MPP7: variants seen among roughly 807,000 people sequenced by gnomAD.
MPP7 encodes the protein MAGUK p55 scaffold protein 7.
MPP7 carries 60 observed loss-of-function variants against 76.5 expected under a neutral mutation model. That is an observed-to-expected ratio of 0.78 (90% CI 0.64 to 0.97). The LOEUF (loss-of-function observed/expected upper bound fraction) is 0.97, where lower values mean the gene tolerates loss of function less well. Ranked by LOEUF, MPP7 falls within the 50% of genes least tolerant of loss-of-function variation. MPP7 has a pLI of 0.00. For missense variants in MPP7, 641 were observed against 694.0 expected (o/e 0.92, Z 0.86); for synonymous variants, 237 against 244.5 (o/e 0.97, Z 0.29).
chr10:28,269,317 C>T (rs1431877531), intron 1 of MPP7, among the ~76,000 whole-genome samples: 2 of 152,134 alleles, frequency 1.3e-5, no homozygotes, highest in African/African-American at 4.8e-5. Flanking sequence ...GAATGCTCAA[C>T]AAACTGAGGT....
At chr10:28,310,400 C>T (rs1056053421) in intron 2 of MPP7, among the ~76,000 whole-genome samples, 1 of 152,140 alleles carries the variant, frequency 6.6e-6, no homozygotes, top group Non-Finnish European at 1.5e-5. Flanking sequence ...TCCTGCTCCA[C>T]TCTCCCATGT....
At chr10:28,204,688 T>G (rs1388866584) in intron 2 of MPP7, among the ~76,000 whole-genome samples, 1 of 152,158 alleles carries the variant, frequency 6.6e-6, no homozygotes, top group African/African-American at 2.4e-5. Flanking sequence ...TAAAAAAAAT[T>G]ATGGCAAACA....
chr10:28,133,856 G>A (rs1835271557), intron 5 of MPP7, among the ~76,000 whole-genome samples: 1 of 152,018 alleles, frequency 6.6e-6, no homozygotes, highest in Non-Finnish European at 1.5e-5. Flanking sequence ...TTAAGTTAGT[G>A]AAATTCACCC....
chr10:28,148,168 A>G (rs1835769990), intron 4 of MPP7, among the ~76,000 whole-genome samples: 1 of 152,216 alleles, frequency 6.6e-6, no homozygotes, highest in Non-Finnish European at 1.5e-5. Context: ...ATGGGTTGAC[A>G]GCTAGCTACC....
At position 28,120,178 on chromosome 10, in the gene MPP7, T is replaced by A. The variant is rs752205095; in HGVS notation, c.887+16A>T. ...GTCAGCTGGAGAAAAGCCATTATTA[T>A]GTACCAGCAGCTCACCTTTCCTGGA... On this transcript the variant is annotated intron_variant, in intron 10 of 16. Transcript: ENST00000683449. The A allele has an allele frequency of 9.9e-6, 16 of 1,609,730 alleles. No homozygotes were observed. Among genetic ancestry groups the A allele is most frequent in the African/African-American group, 1.3e-5 (1 of 74,726 alleles).
chr10:28,214,592 C>T (rs1003558947), intron 2 of MPP7, among the ~76,000 whole-genome samples: 4 of 152,076 alleles, frequency 2.6e-5, no homozygotes, highest in African/African-American at 9.7e-5. Context: ...GATGCCGTGA[C>T]GATGAAACCG....
intron 4 of MPP7, 23 bp from the exon 5 acceptor site, chr10:28,147,586 T>A (rs1835751650): frequency 6.2e-7 from 1 of 1,606,006 alleles, no homozygotes; most frequent in Non-Finnish European, 8.5e-7. Context: ...TTACATTGAC[T>A]TAAAGAACAT....
intron 1 of MPP7, among the ~76,000 whole-genome samples, chr10:28,250,965 T>C (rs1453892348): frequency 6.6e-6 from 1 of 152,198 alleles, no homozygotes; most frequent in Admixed American, 6.5e-5. Flanking sequence ...TCAAATTCAG[T>C]AGAGGGTGCC....
intron 1 of MPP7, among the ~76,000 whole-genome samples, chr10:28,265,475 C>T (rs1241903746): frequency 2.6e-5 from 4 of 152,032 alleles, no homozygotes; most frequent in Non-Finnish European, 5.9e-5. Context: ...GGGAGGATTG[C>T]TTGAGTCCAG....
intron 3 of MPP7, among the ~76,000 whole-genome samples, chr10:28,201,355 G>T (rs970570263): frequency 2.0e-5 from 3 of 152,136 alleles, no homozygotes; most frequent in Non-Finnish European, 2.9e-5. Flanking sequence ...AAAGTTAGCT[G>T]AATTTAAAAA....
Position 28,238,548 on chromosome 10 carries a change from C to A in MPP7, c.37+20G>T. On this transcript the variant is annotated intron_variant, in intron 2 of 16. Coordinates refer to ENST00000683449, the MANE Select transcript of MPP7 (RefSeq NM_001318170.2). ...TTAAGCAAAGATGGAATGAGAACTG[C>A]CCCTCTTGGGGTCACATACCAGTGT... The A allele has an allele frequency of 6.2e-7, 1 of 1,613,148 alleles. No homozygotes were observed. Among genetic ancestry groups the A allele is most frequent in the Non-Finnish European group, 8.5e-7 (1 of 1,179,142 alleles).
At chr10:28,242,063 T>C (rs1839289482) in intron 1 of MPP7, among the ~76,000 whole-genome samples, 1 of 152,200 alleles carries the variant, frequency 6.6e-6, no homozygotes, top group South Asian at 2.1e-4. Context: ...TGCAACATTT[T>C]TTATTAATGT....
intron 2 of MPP7, among the ~76,000 whole-genome samples, chr10:28,221,293 C>T (rs1376584824): frequency 6.6e-6 from 1 of 152,186 alleles, no homozygotes; most frequent in Non-Finnish European, 1.5e-5. Flanking sequence ...AATCCACACT[C>T]AAGTATTCTC....
intron 2 of MPP7, among the ~76,000 whole-genome samples, chr10:28,216,764 C>T (rs931101944): frequency 1.3e-5 from 2 of 152,094 alleles, no homozygotes; most frequent in Admixed American, 6.6e-5. Flanking sequence ...TCAAATTATT[C>T]GATCTGTCTG....
chr10:28,121,214 G>A lies in MPP7; in HGVS notation c.616-546C>T, dbSNP rs142584815. 6.2e-3 allele frequency among the ~76,000 whole-genome samples: 946 copies of A among 151,770 alleles called. 8 individuals carry two copies. The highest frequency in any genetic ancestry group is 0.021 in the African/African-American group (865 of 41,364). ...CTTGAGCCCAGGAGTTCAAGGCTGC[G>A]GTGAGCTGTGATCGCACCACTGCAC... On this transcript the variant is annotated intron_variant, in intron 8 of 16. Transcript: ENST00000683449.
chr10:28,081,232 G>A (rs561065912), intron 12 of MPP7, among the ~76,000 whole-genome samples: 2 of 152,148 alleles, frequency 1.3e-5, no homozygotes, highest in Non-Finnish European at 1.5e-5. Context: ...TTTTGCTCTT[G>A]TTTTGGCTTA....
At chr10:28,137,786 T>C (rs956267649) in intron 5 of MPP7, among the ~76,000 whole-genome samples, 1 of 152,134 alleles carries the variant, frequency 6.6e-6, no homozygotes, top group African/African-American at 2.4e-5. Context: ...GAGCCACCAA[T>C]CACAACTGAT....
intron 1 of MPP7, among the ~76,000 whole-genome samples, chr10:28,257,180 C>T (rs974106966): frequency 4.6e-5 from 7 of 152,104 alleles, no homozygotes; most frequent in African/African-American, 1.7e-4. Flanking sequence ...TGAGATGTCA[C>T]AGTATTAAAA....
intron 2 of MPP7, among the ~76,000 whole-genome samples, chr10:28,218,773 C>A (rs1838398422): frequency 6.6e-6 from 1 of 151,950 alleles, no homozygotes; most frequent in Non-Finnish European, 1.5e-5. Flanking sequence ...TTTAAAAACA[C>A]CAGAATTTTT....
Sources: gnomAD v4.1 joint callset for allele counts (sites outside exome capture counted in the v4.1 genomes callset) on GRCh38, gnomAD v4.1.1 for gene constraint, MANE v1.5 for transcripts, NCBI Gene and HGNC (gene_info 2026-07-23, HGNC 2026-07-21) for gene names.